Variants in DNAAF4 observed in about 807,000 individuals in gnomAD.
DNAAF4 encodes dynein assembly factor 4, axonemal.
Under a neutral mutation model 51.8 loss-of-function variants are expected in DNAAF4, and 43 were observed. The ratio of observed to expected loss-of-function variants is 0.83; its 90% CI spans 0.65 to 1.07. DNAAF4 has a LOEUF of 1.07. DNAAF4 is among the 50% of genes least tolerant of loss of function. DNAAF4 has a pLI of 0.00. For missense variants in DNAAF4, 581 were observed against 493.0 expected (o/e 1.18, Z -1.69); for synonymous variants, 194 against 165.6 (o/e 1.17, Z -1.32).
chr15:55,433,769 A>ATTGTTTTTATAAAACAAATATATATAT (rs1567000119), intron 8 of DNAAF4, among the ~76,000 whole-genome samples: 4 of 115,710 alleles, frequency 3.5e-5, no homozygotes, highest in African/African-American at 1.3e-4. Flanking sequence ...AATATATATA[A>ATTGTTTTTATAAAACAAATATATATAT]TTGTTTTTAT....
rs574492376 is a variant in DNAAF4 at position 55,454,992 on chromosome 15, T to G, written c.638-4625A>C. ...ATAAATTATATAATTATAGATAAAGTACAGATAAGTAAATAAAAACTTTAT... is the reference window on the plus strand; with the variant it reads ...ATAAATTATATAATTATAGATAAAGGACAGATAAGTAAATAAAAACTTTAT... On this transcript the variant is annotated intron_variant, in intron 5 of 9. Transcript: ENST00000321149. 7.1e-4 allele frequency among the ~76,000 whole-genome samples: 108 copies of G among 151,370 alleles called. 1 individual carries two copies. Among genetic ancestry groups the G allele is most frequent in the African/African-American group, 2.6e-3 (106 of 41,430 alleles).
At chr15:55,434,558 C>T (rs1447633229) in intron 8 of DNAAF4, among the ~76,000 whole-genome samples, 2 of 151,994 alleles carry the variant, frequency 1.3e-5, no homozygotes, top group Admixed American at 1.3e-4. Context: ...GGGTGCCGGG[C>T]GCGGTGGCTC....
At chr15:55,447,510 C>A (rs1344853498) in intron 6 of DNAAF4, among the ~76,000 whole-genome samples, 3 of 151,720 alleles carry the variant, frequency 2.0e-5, no homozygotes, top group African/African-American at 7.3e-5. Context: ...GAGCAAGACT[C>A]CATCTGCAAT....
chr15:55,478,032 C>A (rs1293198709), intron 4 of DNAAF4, among the ~76,000 whole-genome samples: 1 of 152,202 alleles, frequency 6.6e-6, no homozygotes, highest in Admixed American at 6.5e-5. Flanking sequence ...AGTGCAAAAG[C>A]AGGAGCTAGA....
chr15:55,476,338 A>G (rs967971095), intron 4 of DNAAF4, among the ~76,000 whole-genome samples: 1 of 152,026 alleles, frequency 6.6e-6, no homozygotes, highest in African/African-American at 2.4e-5. Flanking sequence ...GTGTAGTCCC[A>G]GCTACTCAGG....
chr15:55,431,784 G>C (rs1243233697), intron 9 of DNAAF4, among the ~76,000 whole-genome samples: 1 of 150,908 alleles, frequency 6.6e-6, no homozygotes, highest in Admixed American at 6.6e-5. Flanking sequence ...AGCCTATCAT[G>C]TATTTTTTTT....
At chr15:55,431,206 C>T (rs764900955) in intron 9 of DNAAF4, among the ~76,000 whole-genome samples, 2 of 152,056 alleles carry the variant, frequency 1.3e-5, no homozygotes, top group Non-Finnish European at 2.9e-5. Context: ...AGCCACCGTG[C>T]CCGGCCCCTA....
chr15:55,477,087 A>C (rs1272440662), intron 4 of DNAAF4, among the ~76,000 whole-genome samples: 1 of 151,888 alleles, frequency 6.6e-6, no homozygotes, highest in African/African-American at 2.4e-5. Context: ...CAGGAGAATC[A>C]CTTGAACCCA....
chr15:55,442,556 T>G (rs891802663), intron 6 of DNAAF4: 2 of 950,156 alleles, frequency 2.1e-6, no homozygotes, highest in Non-Finnish European at 3.5e-6. Flanking sequence ...GATTCAGCAG[T>G]GAGGGAGCAG....
intron 4 of DNAAF4, among the ~76,000 whole-genome samples, chr15:55,482,696 A>AAACAC (rs1369152081): frequency 2.0e-5 from 3 of 152,042 alleles, no homozygotes; most frequent in Non-Finnish European, 4.4e-5. Context: ...AAACAAAACA[A>AAACAC]AACAAAAAAC....
In DNAAF4 at chr15:55,433,573, C is replaced by T. The variant is rs559359736; in HGVS notation, c.1048-971G>A. ...CCGGGGAGGCGGAGCTTGCAGTGAGCCGAAATTGTGCCCCTGTACTCCAGC... is the reference window on the plus strand; with the variant it reads ...CCGGGGAGGCGGAGCTTGCAGTGAGTCGAAATTGTGCCCCTGTACTCCAGC... On this transcript the variant is annotated intron_variant, in intron 8 of 9. Coordinates refer to ENST00000321149, the MANE Select transcript of DNAAF4 (RefSeq NM_130810.4). Among the ~76,000 whole-genome samples, 24 of 144,182 alleles carry T rather than the reference C, an allele frequency of 1.7e-4. 1 individual carries two copies. The highest frequency in any genetic ancestry group is 3.6e-3 in the Middle Eastern group (1 of 280). 94.6% of individuals were successfully genotyped at this position (144,182 alleles called of 152,430 possible).
chr15:55,467,195 T>C (rs12913001), intron 4 of DNAAF4, 34 bp from the exon 5 acceptor site: 6 of 1,428,774 alleles, frequency 4.2e-6, no homozygotes, highest in East Asian at 2.3e-5. Flanking sequence ...TTCTTTAAAA[T>C]ACATAAAAGC....
intron 8 of DNAAF4, among the ~76,000 whole-genome samples, chr15:55,434,257 C>T (rs1159290888): frequency 6.7e-6 from 1 of 150,136 alleles, no homozygotes; most frequent in East Asian, 2.0e-4. Flanking sequence ...TCAGCTTATT[C>T]ATTCATTCAA....
At chr15:55,427,635 T>C (rs943930300), downstream of DNAAF4, among the ~76,000 whole-genome samples, 8 of 152,010 alleles carry the variant, frequency 5.3e-5, no homozygotes, top group Non-Finnish European at 7.4e-5. Flanking sequence ...TCCAGCAGTA[T>C]GACTTCTTTT....
chr15:55,420,595 A>AC (rs1010650996), intron 7 of DNAAF4, among the ~76,000 whole-genome samples: 8 of 152,020 alleles, frequency 5.3e-5, no homozygotes, highest in South Asian at 4.2e-4. Context: ...TCTTCCAAAT[A>AC]CCCCCCCAAA....
rs796251658 is a variant in DNAAF4 at position 55,476,734 on chromosome 15, A to G, written c.406-9573T>C. Among the ~76,000 whole-genome samples the G allele has an allele frequency of 7.8e-4, 119 of 152,378 alleles. 1 individual carries two copies. Among genetic ancestry groups the G allele is most frequent in the African/African-American group, 2.8e-3 (117 of 41,598 alleles). On this transcript the variant is annotated intron_variant, in intron 4 of 9. Transcript: ENST00000321149. ...ACAAATATTGTATAATTCCACTTAC[A>G]TGAAGTAAAATAAGTCATTTTTTTT...
At chr15:55,483,358 G>A (rs918040864) in intron 4 of DNAAF4, among the ~76,000 whole-genome samples, 3 of 151,850 alleles carry the variant, frequency 2.0e-5, no homozygotes, top group Non-Finnish European at 4.4e-5. Context: ...GCCTCCCAAA[G>A]TGCTGGGATT....
chr15:55,435,849 T>C (rs2057599602), intron 7 of DNAAF4, among the ~76,000 whole-genome samples: 1 of 152,170 alleles, frequency 6.6e-6, no homozygotes, highest in Admixed American at 6.6e-5. Flanking sequence ...AGTGCAATGG[T>C]GCGATCTTGG....
At chr15:55,431,443 CA>C (rs1160701652) in intron 9 of DNAAF4, among the ~76,000 whole-genome samples, 25 of 150,892 alleles carry the variant, frequency 1.7e-4, no homozygotes, top group Non-Finnish European at 3.4e-4. Context: ...GATAAATATC[CA>C]TGATATCTCA....
Sources: allele counts gnomAD v4.1 joint callset (sites outside exome capture counted in the v4.1 genomes callset), GRCh38; gene constraint gnomAD v4.1.1; transcripts MANE v1.5; gene names NCBI Gene and HGNC (gene_info 2026-07-23, HGNC 2026-07-21).